Variants in EFNA5 observed in about 807,000 individuals in gnomAD.
The protein encoded by EFNA5 is ephrin-A5.
In EFNA5, 5 loss-of-function variants were observed where a neutral mutation model predicts 22.9. The observed-to-expected ratio is 0.22, with a 90% CI of 0.11 to 0.46. The LOEUF is 0.46. EFNA5 is among the 20% of genes least tolerant of loss of function. EFNA5 has a pLI of 0.99. For synonymous variants in EFNA5, 113 were observed against 112.2 expected, an observed-to-expected ratio of 1.01 and a Z score of -0.04; for missense variants, 237 against 293.3, an observed-to-expected ratio of 0.81 and a Z score of 1.40.
At chr5:107,649,607 A>T (rs899282683) in intron 1 of EFNA5, among the ~76,000 whole-genome samples, 2 of 152,190 alleles carry the variant, frequency 1.3e-5, no homozygotes, top group African/African-American at 4.8e-5. Flanking sequence ...ATAAGTGAAA[A>T]TTGAGGGTTG....
chr5:107,563,989 A>G (rs912587864), intron 1 of EFNA5, among the ~76,000 whole-genome samples: 10 of 151,986 alleles, frequency 6.6e-5, no homozygotes, highest in Non-Finnish European at 1.2e-4. Context: ...TGGGACTACT[A>G]TTTGCCTCCA....
At chr5:107,622,589 A>G (rs984950751) in intron 1 of EFNA5, among the ~76,000 whole-genome samples, 1 of 152,174 alleles carries the variant, frequency 6.6e-6, no homozygotes, top group African/African-American at 2.4e-5. Flanking sequence ...TACTATGCTC[A>G]ACTCCTTGCA....
At chr5:107,631,658 T>C (rs1475724836) in intron 1 of EFNA5, among the ~76,000 whole-genome samples, 2 of 152,182 alleles carry the variant, frequency 1.3e-5, no homozygotes, top group African/African-American at 2.4e-5. Flanking sequence ...TAAATATTTA[T>C]ACCTTATTAA....
intron 1 of EFNA5, among the ~76,000 whole-genome samples, chr5:107,459,715 T>C (rs1420004535): frequency 6.6e-6 from 1 of 152,048 alleles, no homozygotes; most frequent in Non-Finnish European, 1.5e-5. Context: ...CAGAATTGAG[T>C]TGTCACGCAA....
chr5:107,603,868 T>C (rs1420953460), intron 1 of EFNA5, among the ~76,000 whole-genome samples: 6 of 152,242 alleles, frequency 3.9e-5, no homozygotes, highest in African/African-American at 1.2e-4. Flanking sequence ...AACGGCAATG[T>C]GGTTCCTGCT....
intron 2 of EFNA5, among the ~76,000 whole-genome samples, chr5:107,417,316 T>G (rs934249426): frequency 6.6e-6 from 1 of 152,214 alleles, no homozygotes; most frequent in Non-Finnish European, 1.5e-5. Flanking sequence ...ATTTTACTTT[T>G]GAGGCTCAGA....
chr5:107,593,640 A>G (rs1039352982), intron 1 of EFNA5, among the ~76,000 whole-genome samples: 3 of 152,206 alleles, frequency 2.0e-5, no homozygotes, highest in Admixed American at 2.0e-4. Flanking sequence ...AGGTGCTAGC[A>G]TCACCCTCAC....
At chr5:107,388,297 G>T (rs1166575486) in intron 2 of EFNA5, among the ~76,000 whole-genome samples, 1 of 152,184 alleles carries the variant, frequency 6.6e-6, no homozygotes, top group African/African-American at 2.4e-5. Flanking sequence ...CAGTGCTTTT[G>T]CAGGTAATTC....
chr5:107,522,540 A>G (rs954755951), intron 1 of EFNA5, among the ~76,000 whole-genome samples: 1 of 152,216 alleles, frequency 6.6e-6, no homozygotes, highest in African/African-American at 2.4e-5. Context: ...CTAGGATTAT[A>G]GGCACGTGCC....
At chr5:107,518,270 CG>C (rs1161008408) in intron 1 of EFNA5, among the ~76,000 whole-genome samples, 2 of 144,540 alleles carry the variant, frequency 1.4e-5, no homozygotes, top group East Asian at 2.0e-4. Flanking sequence ...AAGCCCCACT[CG>C]GAAAAAAAAA....
chr5:107,416,750 T>C (rs936175644), intron 2 of EFNA5, among the ~76,000 whole-genome samples: 4 of 152,172 alleles, frequency 2.6e-5, no homozygotes, highest in African/African-American at 7.2e-5. Flanking sequence ...CTGTATATAG[T>C]AAGACCTCTA....
chr5:107,466,873 T>C (rs1194565026), intron 1 of EFNA5, among the ~76,000 whole-genome samples: 1 of 152,172 alleles, frequency 6.6e-6, no homozygotes, highest in African/African-American at 2.4e-5. Context: ...GAAGGCGCTA[T>C]ACTAGGCTAA....
At chr5:107,582,698 T>A in intron 1 of EFNA5, among the ~76,000 whole-genome samples, 1 of 151,702 alleles carries the variant, frequency 6.6e-6, no homozygotes. Flanking sequence ...GTAAATGATT[T>A]AAAGTAAAAC....
chr5:107,515,253 G>A (rs1206572344), intron 1 of EFNA5, among the ~76,000 whole-genome samples: 2 of 151,454 alleles, frequency 1.3e-5, no homozygotes, highest in Non-Finnish European at 2.9e-5. Flanking sequence ...GGCCAGGCTG[G>A]TCTCAACTCC....
intron 1 of EFNA5, among the ~76,000 whole-genome samples, chr5:107,482,860 C>A (rs1580482871): frequency 4.3e-4 from 38 of 87,816 alleles, no homozygotes; most frequent in African/African-American, 1.5e-3. Context: ...CTCTCTCTCT[C>A]TCTCTCTCTC....
chr5:107,618,470 T>G (rs1332989575), intron 1 of EFNA5, among the ~76,000 whole-genome samples: 1 of 152,284 alleles, frequency 6.6e-6, no homozygotes, highest in African/African-American at 2.4e-5. Context: ...CTCAGGCCAG[T>G]AGACTGACAA....
intron 1 of EFNA5, among the ~76,000 whole-genome samples, chr5:107,515,409 T>G (rs1446424972): frequency 6.8e-6 from 1 of 147,170 alleles, no homozygotes; most frequent in Non-Finnish European, 1.5e-5. Flanking sequence ...AGATGGAGTC[T>G]TGCTGTGTTG....
chr5:107,419,843 T>C (rs1218732402), intron 2 of EFNA5, among the ~76,000 whole-genome samples: 2 of 152,142 alleles, frequency 1.3e-5, no homozygotes, highest in Non-Finnish European at 2.9e-5. Context: ...ATCAAAAACA[T>C]TTTTCAATAA....
chr5:107,378,418 A>T lies in EFNA5; in HGVS notation c.*2837T>A, dbSNP rs1282706387. The stretch of plus-strand genomic sequence containing the variant: ...TAACTGGGGCTGAGTGGCAGCTATG[A>T]CTGTCCTTCAGATTTTTGAGTTGTT... On this transcript the variant is annotated 3_prime_UTR_variant, in exon 5 of 5. Coordinates refer to ENST00000333274, the MANE Select transcript of EFNA5 (RefSeq NM_001962.3). The T allele has an allele frequency of 6.6e-6, 1 of 152,118 alleles. No homozygotes were observed. Among genetic ancestry groups the T allele is most frequent in the Non-Finnish European group, 1.5e-5 (1 of 68,020 alleles). 9.4% of individuals were successfully genotyped at this position (152,118 alleles called of 1,614,324 possible).
Sources: allele counts gnomAD v4.1 joint callset (sites outside exome capture counted in the v4.1 genomes callset), GRCh38; gene constraint gnomAD v4.1.1; transcripts MANE v1.5; gene names NCBI Gene and HGNC (gene_info 2026-07-23, HGNC 2026-07-21).